Variants in ANGPT1 observed in about 807,000 individuals in gnomAD.
The protein encoded by ANGPT1 is angiopoietin 1.
In ANGPT1, 17 loss-of-function variants were observed where a neutral mutation model predicts 62.2. The ratio of observed to expected loss-of-function variants is 0.27; its 90% CI spans 0.19 to 0.41. ANGPT1 has a LOEUF of 0.41. Ranked by LOEUF, ANGPT1 falls within the 10% of genes least tolerant of loss-of-function variation. The probability of loss-of-function intolerance (pLI) is 1.00; values close to 1 mark genes in which losing one functional copy is unlikely to be tolerated. For missense variants in ANGPT1, 478 were observed against 594.9 expected, an observed-to-expected ratio of 0.80 and a Z score of 2.04; for synonymous variants, 199 against 198.9, an observed-to-expected ratio of 1.00 and a Z score of 0.00.
At chr8:107,445,603 C>A (rs2130441866) in intron 1 of ANGPT1, among the ~76,000 whole-genome samples, 1 of 152,218 alleles carries the variant, frequency 6.6e-6, no homozygotes, top group East Asian at 1.9e-4. Context: ...AGACATCAAT[C>A]AGAAATCCAA....
At chr8:107,462,584 G>A (rs1032772233) in intron 1 of ANGPT1, among the ~76,000 whole-genome samples, 3 of 151,888 alleles carry the variant, frequency 2.0e-5, no homozygotes, top group Non-Finnish European at 4.4e-5. Context: ...GGGGCTCCAA[G>A]GATAAAAGAA....
At chr8:107,394,392 A>G (rs1816894118) in intron 1 of ANGPT1, among the ~76,000 whole-genome samples, 1 of 152,180 alleles carries the variant, frequency 6.6e-6, no homozygotes, top group Non-Finnish European at 1.5e-5. Context: ...TTTTTGCAGA[A>G]AGCCAGCGCC....
intron 1 of ANGPT1, among the ~76,000 whole-genome samples, chr8:107,374,963 C>A (rs1249208279): frequency 6.6e-6 from 1 of 152,130 alleles, no homozygotes; most frequent in Admixed American, 6.5e-5. Context: ...AGATTCAGAC[C>A]AGCCTGGCCA....
At chr8:107,393,469 T>TA (rs1281807912) in intron 1 of ANGPT1, among the ~76,000 whole-genome samples, 1 of 152,144 alleles carries the variant, frequency 6.6e-6, no homozygotes, top group Admixed American at 6.5e-5. Flanking sequence ...CATACAAATT[T>TA]AAAAAAATTT....
chr8:107,473,644 CA>C (rs1812424118), intron 1 of ANGPT1, among the ~76,000 whole-genome samples: 2 of 151,996 alleles, frequency 1.3e-5, no homozygotes, highest in African/African-American at 4.8e-5. Context: ...AAGGATCAAA[CA>C]GACTTAAAAG....
rs143172638 is a variant in ANGPT1, at chr8:107,360,547, T to C, written c.298-13450A>G. 2.8e-3 allele frequency among the ~76,000 whole-genome samples: 433 copies of C among 152,342 alleles called. 2 individuals are homozygous for C. Among genetic ancestry groups the C allele is most frequent in the African/African-American group, 0.01 (420 of 41,576 alleles). Reference sequence around the variant, plus strand: ...CCAAGTTCAAACAGCCAAAGTGTTTTGTTTGACTAGCACATTATTTTTAAA... The same window carrying C: ...CCAAGTTCAAACAGCCAAAGTGTTTCGTTTGACTAGCACATTATTTTTAAA... On this transcript the variant is annotated intron_variant, in intron 1 of 8. Transcript: ENST00000517746.
intron 7 of ANGPT1, among the ~76,000 whole-genome samples, chr8:107,269,180 C>T (rs906353919): frequency 6.6e-6 from 1 of 152,044 alleles, no homozygotes; most frequent in African/African-American, 2.4e-5. Flanking sequence ...GGGGCTCATT[C>T]TTTCTTAGCA....
At chr8:107,335,138 T>G (rs114272949) in intron 3 of ANGPT1, among the ~76,000 whole-genome samples, 1 of 152,206 alleles carries the variant, frequency 6.6e-6, no homozygotes, top group South Asian at 2.1e-4. Flanking sequence ...GACACCTAAA[T>G]TACATTCCAA....
At chr8:107,257,926 T>TC (rs1813405392) in intron 8 of ANGPT1, among the ~76,000 whole-genome samples, 19 of 122,012 alleles carry the variant, frequency 1.6e-4, no homozygotes, top group Middle Eastern at 4.7e-3. Flanking sequence ...TGTTCTTTCT[T>TC]TCTCTCTCTC....
In ANGPT1 at chr8:107,429,808, T is replaced by G. The variant is rs191931803; in HGVS notation, c.297+67454A>C. Among the ~76,000 whole-genome samples the G allele has an allele frequency of 6.1e-5, 9 of 146,418 alleles. No individual in the cohort carries two copies. In the East Asian group the frequency reaches 2.1e-3, roughly 34 times the overall value. On this transcript the variant is annotated intron_variant, in intron 1 of 8. Transcript: ENST00000517746. ...AGGAGTTTTCTGTAGACTAATATTA[T>G]TTTTGAAATGCAGGCTTCCACAAAT...
At chr8:107,464,009 G>A (rs1446538303) in intron 1 of ANGPT1, among the ~76,000 whole-genome samples, 17 of 152,224 alleles carry the variant, frequency 1.1e-4, no homozygotes, top group Middle Eastern at 3.4e-3. Flanking sequence ...CTTAACATTT[G>A]CTTCAGTTTA....
At chr8:107,445,822 A>G (rs1811601342) in intron 1 of ANGPT1, among the ~76,000 whole-genome samples, 1 of 152,206 alleles carries the variant, frequency 6.6e-6, no homozygotes, top group South Asian at 2.1e-4. Context: ...GAGAAACCAC[A>G]TATATGATTT....
intron 8 of ANGPT1, among the ~76,000 whole-genome samples, chr8:107,259,575 A>G (rs1813446599): frequency 6.6e-6 from 1 of 152,174 alleles, no homozygotes; most frequent in Non-Finnish European, 1.5e-5. Flanking sequence ...ACAGAAAGTT[A>G]GGTCACATTT....
chr8:107,482,943 T>C (rs148239841), intron 1 of ANGPT1, among the ~76,000 whole-genome samples: 4 of 152,308 alleles, frequency 2.6e-5, no homozygotes, highest in Admixed American at 6.5e-5. Context: ...CAAACATACA[T>C]TAATCTCATT....
rs180959508 is a variant in ANGPT1 at position 107,333,385 on chromosome 8, T to C, written c.575+2765A>G. Among the ~76,000 whole-genome samples the C allele has an allele frequency of 1.2e-3, 182 of 152,126 alleles. 1 individual carries two copies. The highest frequency in any genetic ancestry group is 4.2e-3 in the African/African-American group (175 of 41,520). On this transcript the variant is annotated intron_variant, in intron 3 of 8. Coordinates refer to ENST00000517746, the MANE Select transcript of ANGPT1 (RefSeq NM_001146.5). ...TCCACTGTCGAAAAAGAAAGAGATG[T>C]GGAATGGAAGTGTAAGATGCATGCA...
chr8:107,416,687 T>C (rs1387385058), intron 1 of ANGPT1, among the ~76,000 whole-genome samples: 1 of 152,186 alleles, frequency 6.6e-6, no homozygotes, highest in African/African-American at 2.4e-5. Flanking sequence ...AAGACCTATC[T>C]GTTGAAGTTC....
Position 107,351,505 on chromosome 8 carries a change from T to A in ANGPT1, c.298-4408A>T, listed in dbSNP as rs542129618. ...TTGGACTGGTTGGCTGGATGATTAG[T>A]TGACTGATAATTTCAATTTTAGTCA... is the stretch of plus-strand genomic sequence containing the variant. On this transcript the variant is annotated intron_variant, in intron 1 of 8. Transcript: ENST00000517746. 3.3e-5 allele frequency among the ~76,000 whole-genome samples: 5 copies of A among 152,154 alleles called. No homozygotes were observed. The East Asian group carries it at 9.6e-4, about 29-fold the overall frequency.
chr8:107,381,642 A>G (rs1432464814), intron 1 of ANGPT1, among the ~76,000 whole-genome samples: 1 of 152,100 alleles, frequency 6.6e-6, no homozygotes, highest in Non-Finnish European at 1.5e-5. Context: ...GCATCCTGAG[A>G]ATGGGTCAAG....
chr8:107,472,015 C>T (rs756434165), intron 1 of ANGPT1, among the ~76,000 whole-genome samples: 26 of 151,946 alleles, frequency 1.7e-4, no homozygotes, highest in Non-Finnish European at 2.6e-4. Flanking sequence ...CTTTAGGCTC[C>T]TCTTGCTTTT....
Sources: allele counts gnomAD v4.1 joint callset (sites outside exome capture counted in the v4.1 genomes callset), GRCh38; gene constraint gnomAD v4.1.1; transcripts MANE v1.5; gene names NCBI Gene and HGNC (gene_info 2026-07-23, HGNC 2026-07-21).